The following WDR59 variants were observed in gnomAD, a reference collection of about 807,000 sequenced individuals.
WDR59 encodes GATOR2 complex protein WDR59.
Under a neutral mutation model 131.2 loss-of-function variants are expected in WDR59, and 100 were observed. The ratio of observed to expected loss-of-function variants is 0.76; its 90% confidence interval spans 0.65 to 0.90. The LOEUF is 0.90. Among genes scored for constraint, WDR59 ranks in the 40% least tolerant of loss-of-function variants. The pLI, the probability that WDR59 is intolerant of heterozygous loss-of-function variation, is 0.00. For missense variants in WDR59, 1,203 were observed against 1,262.2 expected (o/e 0.95, Z 0.71); for synonymous variants, 601 against 466.2 (o/e 1.29, Z -3.72).
At chr16:74,905,971 C>A (rs1965788842) in intron 17 of WDR59, among the ~76,000 whole-genome samples, 2 of 152,010 alleles carry the variant, frequency 1.3e-5, no homozygotes, top group Admixed American at 1.3e-4. Context: ...AATATGCACA[C>A]AGAAGCTGCT....
chr16:74,897,699 A>C (rs1329257587), intron 18 of WDR59, among the ~76,000 whole-genome samples: 1 of 152,224 alleles, frequency 6.6e-6, no homozygotes, highest in Non-Finnish European at 1.5e-5. Context: ...TACCGGAACC[A>C]AACTGTAAAA....
At chr16:74,917,820 A>G (rs1966465548) in intron 11 of WDR59, 109 bp downstream of exon 11, 3 of 998,532 alleles carry the variant, frequency 3.0e-6, no homozygotes, top group East Asian at 5.3e-5. Flanking sequence ...AAAAAAAAAA[A>G]AAAAAAAAAA....
chr16:74,931,381 G>A (rs149331813), intron 8 of WDR59, among the ~76,000 whole-genome samples: 268 of 152,070 alleles, frequency 1.8e-3, no homozygotes, highest in Non-Finnish European at 2.7e-3. Flanking sequence ...TTTCAGGCAG[G>A]TTGGAGTGCA....
Position 74,916,006 on chromosome 16 carries a change from G to C in WDR59, c.1100-12C>G, listed in dbSNP as rs767881859. The C allele has an allele frequency of 2.4e-5, 39 of 1,614,058 alleles. No individual in the cohort carries two copies. The highest frequency in any genetic ancestry group is 3.3e-5 in the Non-Finnish European group (39 of 1,180,030). Reference sequence around the variant, plus strand: ...ATCTTCTTTTAGGGCTAGCAGGAGAGAGAAGTTCAATGTTGGAAAGCATTT... The same window carrying C: ...ATCTTCTTTTAGGGCTAGCAGGAGACAGAAGTTCAATGTTGGAAAGCATTT... On this transcript the variant is annotated splice_polypyrimidine_tract_variant and intron_variant, in intron 12 of 25. Coordinates refer to ENST00000262144, the MANE Select transcript of WDR59 (RefSeq NM_030581.4).
Position 74,915,706 on chromosome 16 carries a change from G to C in WDR59, c.1224+164C>G. The C allele has an allele frequency of 8.3e-6, 8 of 965,090 alleles. No individual in the cohort carries two copies. The South Asian group carries it at 1.3e-4, about 15-fold the overall frequency. 59.8% of individuals were successfully genotyped at this position (965,090 alleles called of 1,614,324 possible). On this transcript the variant is annotated intron_variant, in intron 13 of 25. Transcript: ENST00000262144. ...CCCAAAGTGCTGGGATTACAGGCGT[G>C]AGCCACCGCGCCTGGCCAGAAAACC...
intron 22 of WDR59, 95 bp from the exon 23 acceptor site, chr16:74,887,850 G>T: frequency 7.9e-7 from 1 of 1,260,388 alleles, no homozygotes; most frequent in Non-Finnish European, 1.1e-6. Flanking sequence ...AAGCACGGTG[G>T]CTCATGCCTG....
intron 8 of WDR59, among the ~76,000 whole-genome samples, chr16:74,924,341 A>G (rs908800340): frequency 6.6e-6 from 1 of 152,248 alleles, no homozygotes; most frequent in Non-Finnish European, 1.5e-5. Context: ...CAGGTAATTT[A>G]AGAACAAGAG....
rs1474074369 is a variant in WDR59, at chr16:74,895,936, A to AG, written c.1867-2125dup. Among the ~76,000 whole-genome samples the AG allele has an allele frequency of 3.3e-5, 5 of 152,300 alleles. No individual in the cohort carries two copies. In the East Asian group the frequency reaches 9.7e-4, roughly 29 times the overall value. On this transcript the variant is annotated intron_variant, in intron 18 of 25. Coordinates refer to ENST00000262144, the MANE Select transcript of WDR59 (RefSeq NM_030581.4). ...CCCTGCAGTGACAGTGAACAGCACA[A>AG]GGGGCTTAACGAGAACAGGGAAATT...
At chr16:74,946,416 C>A (rs906030056) in intron 6 of WDR59, among the ~76,000 whole-genome samples, 11 of 152,050 alleles carry the variant, frequency 7.2e-5, no homozygotes, top group Non-Finnish European at 1.3e-4. Flanking sequence ...GTCTACAGAA[C>A]TGAATAAGAA....
chr16:74,884,775 G>C (rs1050373520), intron 25 of WDR59, among the ~76,000 whole-genome samples: 1 of 152,154 alleles, frequency 6.6e-6, no homozygotes, highest in Non-Finnish European at 1.5e-5. Flanking sequence ...TCCTTCGCTT[G>C]TTCACAACGA....
Position 74,952,492 on chromosome 16 carries a change from A to G in WDR59, c.241-949T>C, listed in dbSNP as rs74893156. Among the ~76,000 whole-genome samples, 320 of 151,504 alleles carry G rather than the reference A, an allele frequency of 2.1e-3. 6 individuals carry two copies. In the East Asian group the frequency reaches 0.034, roughly 16 times the overall value. On this transcript the variant is annotated intron_variant, in intron 3 of 25. Coordinates refer to ENST00000262144, the MANE Select transcript of WDR59 (RefSeq NM_030581.4). ...GAAAAGAAAAGAAGAAAGATCCTCA[A>G]AAGGGTGTCCTAGAAGGCAAAATTA...
intron 6 of WDR59, among the ~76,000 whole-genome samples, chr16:74,945,726 C>T (rs955575774): frequency 1.2e-4 from 18 of 152,040 alleles, no homozygotes; most frequent in Middle Eastern, 6.8e-3. Flanking sequence ...CCCCCTTATC[C>T]GCGGGTCCAC....
chr16:74,914,680 G>C, intron 13 of WDR59, among the ~76,000 whole-genome samples: 1 of 148,210 alleles, frequency 6.7e-6, no homozygotes, highest in African/African-American at 2.5e-5. Context: ...TGCAAGCTCT[G>C]CCTCCTGGGT....
At chr16:74,877,924 C>T (rs1964293376) in intron 25 of WDR59, among the ~76,000 whole-genome samples, 1 of 152,192 alleles carries the variant, frequency 6.6e-6, no homozygotes, top group Non-Finnish European at 1.5e-5. Context: ...ATAACTTATG[C>T]TTATATCCAA....
rs114647054 is a variant in WDR59, at chr16:74,881,143, G to A, written c.2689+4510C>T. Among the ~76,000 whole-genome samples, 966 of 152,228 alleles carry A rather than the reference G, an allele frequency of 6.3e-3. 19 individuals carry two copies. The highest frequency in any genetic ancestry group is 0.022 in the African/African-American group (911 of 41,532). On this transcript the variant is annotated intron_variant, in intron 25 of 25. Transcript: ENST00000262144. ...TCTTATATCCTGAGACTTTCTTTAA[G>A]GGAATACTCTATCTAGCAATATCCC...
chr16:74,939,931 G>A (rs959580056), intron 7 of WDR59, among the ~76,000 whole-genome samples: 1 of 152,178 alleles, frequency 6.6e-6, no homozygotes, highest in Non-Finnish European at 1.5e-5. Context: ...GCTGCAGTGA[G>A]CTATGATTGT....
At chr16:74,955,907 A>G (rs1361483139) in intron 3 of WDR59, among the ~76,000 whole-genome samples, 1 of 152,208 alleles carries the variant, frequency 6.6e-6, no homozygotes, top group Non-Finnish European at 1.5e-5. Flanking sequence ...TGTATAAAGA[A>G]AAGATTTTTG....
At chr16:74,975,293 G>A (rs939980790) in intron 1 of WDR59, among the ~76,000 whole-genome samples, 1 of 152,130 alleles carries the variant, frequency 6.6e-6, no homozygotes, top group Non-Finnish European at 1.5e-5. Flanking sequence ...CCCAGGAGTT[G>A]GAGAATGCAG....
In WDR59 at chr16:74,985,085, A is replaced by T. The variant is rs1293482254; in HGVS notation, c.-68T>A. On this transcript the variant is annotated 5_prime_UTR_variant, in exon 1 of 26. Coordinates refer to ENST00000262144, the MANE Select transcript of WDR59 (RefSeq NM_030581.4). ...ACCCCGCCGTCCCCAGTATCCCGGG[A>T]CCGTGCGCCCCACACAGCCAGAGAA... is the stretch of plus-strand genomic sequence containing the variant. 38 of 1,451,478 alleles carry T rather than the reference A, an allele frequency of 2.6e-5. No homozygotes were observed. Among genetic ancestry groups the T allele is most frequent in the South Asian group, 1.9e-4 (16 of 82,106 alleles). The allele number at this position is 1,451,478 out of a possible 1,614,324, so 89.9% of individuals were successfully genotyped here.
Sources: gnomAD v4.1 joint callset for allele counts (sites outside exome capture counted in the v4.1 genomes callset) on GRCh38, gnomAD v4.1.1 for gene constraint, MANE v1.5 for transcripts, NCBI Gene and HGNC (gene_info 2026-07-23, HGNC 2026-07-21) for gene names.